The following CCDC91 variants were observed in gnomAD, a reference collection of about 807,000 sequenced individuals.
CCDC91 encodes coiled-coil domain containing 91.
CCDC91 carries 48 observed loss-of-function variants against 63.2 expected under a neutral mutation model. That is an observed-to-expected ratio of 0.76 (90% CI 0.60 to 0.97). CCDC91 has a LOEUF of 0.97. Among genes scored for constraint, CCDC91 ranks in the 50% least tolerant of loss-of-function variants. The pLI is 0.00. For synonymous variants in CCDC91, 167 were observed against 165.8 expected, an observed-to-expected ratio of 1.01 and a Z score of -0.06; for missense variants, 500 against 494.6, an observed-to-expected ratio of 1.01 and a Z score of -0.10.
chr12:28,262,676 A>C (rs1199269694), intron 3 of CCDC91, among the ~76,000 whole-genome samples: 2 of 152,064 alleles, frequency 1.3e-5, no homozygotes, highest in Admixed American at 1.3e-4. Flanking sequence ...GAATAAATGA[A>C]ATGTGCATGC....
intron 8 of CCDC91, among the ~76,000 whole-genome samples, chr12:28,402,587 C>CA (rs34654808): frequency 0.48 from 47,835 of 98,930 alleles, 10,254 homozygotes; most frequent in East Asian, 0.67. Flanking sequence ...ATGTCATCTG[C>CA]AAAAAAAAAA....
chr12:28,306,214 T>C (rs112276484), intron 4 of CCDC91, among the ~76,000 whole-genome samples: 7 of 152,190 alleles, frequency 4.6e-5, no homozygotes, highest in African/African-American at 9.6e-5. Context: ...ATAGCAGTTA[T>C]AAGGTTTATT....
chr12:28,401,996 T>C (rs1946650971), intron 8 of CCDC91, among the ~76,000 whole-genome samples: 1 of 152,132 alleles, frequency 6.6e-6, no homozygotes, highest in Non-Finnish European at 1.5e-5. Context: ...ATTACCCCCA[T>C]ACCTTTGGAG....
At chr12:28,351,730 G>A (rs946768115) in intron 6 of CCDC91, among the ~76,000 whole-genome samples, 19 of 151,278 alleles carry the variant, frequency 1.3e-4, no homozygotes, top group African/African-American at 4.4e-4. Flanking sequence ...AGTCTAATGA[G>A]CCTACTTCCT....
At chr12:28,539,179 G>C (rs1212010530) in intron 12 of CCDC91, among the ~76,000 whole-genome samples, 1 of 152,100 alleles carries the variant, frequency 6.6e-6, no homozygotes, top group Non-Finnish European at 1.5e-5. Context: ...TGAAGTCCTT[G>C]CCATGCCTAT....
chr12:28,540,382 G>T (rs1942541613), intron 12 of CCDC91, among the ~76,000 whole-genome samples: 1 of 152,216 alleles, frequency 6.6e-6, no homozygotes, highest in South Asian at 2.1e-4. Context: ...TAATTACATG[G>T]TTTAATGACT....
chr12:28,453,554 A>G (rs1490567335), intron 11 of CCDC91, among the ~76,000 whole-genome samples: 1 of 152,080 alleles, frequency 6.6e-6, no homozygotes, highest in Non-Finnish European at 1.5e-5. Flanking sequence ...GTTTATTCTC[A>G]GGAACACACA....
chr12:28,319,734 A>T (rs1406246276), intron 6 of CCDC91, among the ~76,000 whole-genome samples: 1 of 151,626 alleles, frequency 6.6e-6, no homozygotes, highest in Non-Finnish European at 1.5e-5. Context: ...TATATGTTCA[A>T]GGTTAGTTAT....
chr12:28,442,063 G>A (rs74075351), intron 8 of CCDC91, among the ~76,000 whole-genome samples: 4 of 146,116 alleles, frequency 2.7e-5, no homozygotes, highest in Non-Finnish European at 1.6e-5. Flanking sequence ...TGAGTGATAG[G>A]TGTAGAGAGT....
intron 1 of CCDC91, among the ~76,000 whole-genome samples, chr12:28,254,648 T>C (rs1251302229): frequency 6.6e-6 from 1 of 152,182 alleles, no homozygotes; most frequent in Non-Finnish European, 1.5e-5. Flanking sequence ...GTCTAAATTA[T>C]ATGCAGAAAG....
intron 8 of CCDC91, among the ~76,000 whole-genome samples, chr12:28,399,550 A>G (rs1170064397): frequency 6.6e-6 from 1 of 152,240 alleles, no homozygotes; most frequent in East Asian, 1.9e-4. Flanking sequence ...TCATTCCAGC[A>G]TTAACTCAAG....
intron 6 of CCDC91, among the ~76,000 whole-genome samples, chr12:28,334,463 C>A (rs1479559764): frequency 1.3e-5 from 2 of 152,030 alleles, no homozygotes; most frequent in Admixed American, 1.3e-4. Flanking sequence ...ATTTTTATTT[C>A]TTCTCTATCC....
chr12:28,394,486 A>C (rs538320245), intron 8 of CCDC91, among the ~76,000 whole-genome samples: 3 of 152,200 alleles, frequency 2.0e-5, no homozygotes, highest in African/African-American at 4.8e-5. Context: ...ACAAAAAAAA[A>C]ACAAAGATTA....
At chr12:28,448,261 A>G (rs1417968146) in intron 8 of CCDC91, among the ~76,000 whole-genome samples, 1 of 152,152 alleles carries the variant, frequency 6.6e-6, no homozygotes, top group Non-Finnish European at 1.5e-5. Flanking sequence ...GTGAGAGTTT[A>G]ATGTGGTACT....
intron 8 of CCDC91, among the ~76,000 whole-genome samples, chr12:28,410,703 G>T (rs786710): frequency 0.25 from 38,282 of 151,840 alleles, 5,389 homozygotes; most frequent in East Asian, 0.57. Context: ...TGTATTTTTA[G>T]TAGAGACAGG....
intron 3 of CCDC91, among the ~76,000 whole-genome samples, chr12:28,270,818 G>A (rs1022871958): frequency 2.6e-5 from 4 of 151,964 alleles, no homozygotes; most frequent in Non-Finnish European, 4.4e-5. Context: ...CCTGCTTGAC[G>A]TTAGGAGGTA....
chr12:28,477,748 A>T (rs1171192795), intron 11 of CCDC91, among the ~76,000 whole-genome samples: 1 of 152,194 alleles, frequency 6.6e-6, no homozygotes, highest in Non-Finnish European at 1.5e-5. Context: ...TTAAGCTGAT[A>T]AGCAACTTCA....
At chr12:28,522,401 G>A (rs2141456927) in intron 12 of CCDC91, among the ~76,000 whole-genome samples, 1 of 152,270 alleles carries the variant, frequency 6.6e-6, no homozygotes, top group South Asian at 2.1e-4. Context: ...TTGTATTTCT[G>A]TGGGATCGGT....
rs58134900 is a variant in CCDC91 at position 28,237,235 on chromosome 12, T to TACACACACACACACACACAC, written c.-14-19955_-14-19936dup. Among the ~76,000 whole-genome samples, 455 of 143,102 alleles carry TACACACACACACACACACAC rather than the reference T, an allele frequency of 3.2e-3. 3 individuals carry two copies. Among genetic ancestry groups the TACACACACACACACACACAC allele is most frequent in the Middle Eastern group, 0.014 (4 of 288 alleles). 93.9% of individuals were successfully genotyped at this position (143,102 alleles called of 152,430 possible). On this transcript the variant is annotated intron_variant, in intron 1 of 12. Transcript: ENST00000536442. The stretch of plus-strand genomic sequence containing the variant: ...TACATACATACATGTGTATTACACA[T>TACACACACACACACACACAC]ACACACACACACACACACACACACA...
Sources: gnomAD v4.1 joint callset for allele counts (sites outside exome capture counted in the v4.1 genomes callset) on GRCh38, gnomAD v4.1.1 for gene constraint, MANE v1.5 for transcripts, NCBI Gene and HGNC (gene_info 2026-07-23, HGNC 2026-07-21) for gene names.